PER2: variants seen among roughly 807,000 people sequenced by gnomAD.
PER2 encodes period circadian protein homolog 2.
In PER2, 66 loss-of-function variants were observed where a neutral mutation model predicts 121.0. That is an observed-to-expected ratio of 0.55 (90% CI 0.45 to 0.67). The LOEUF is 0.67. Ranked by LOEUF, PER2 falls within the 30% of genes least tolerant of loss-of-function variation. PER2 has a pLI of 0.00. For missense variants in PER2, 1,521 were observed against 1,635.0 expected, an observed-to-expected ratio of 0.93 and a Z score of 1.20; for synonymous variants, 684 against 659.9, an observed-to-expected ratio of 1.04 and a Z score of -0.56.
rs775192060 is a variant in PER2, at chr2:238,265,600, C to T, written c.968-10G>A. On this transcript the variant is annotated splice_polypyrimidine_tract_variant and intron_variant, in intron 8 of 22. Coordinates refer to ENST00000254657, the MANE Select transcript of PER2 (RefSeq NM_022817.3). ...GGAGGAATTCTAGGGGCTGAAAGAA[C>T]AGAATATTGCACACATTTGTGATCC... 2.7e-6 allele frequency: 4 copies of T among 1,477,544 alleles called. No homozygotes were observed. Among genetic ancestry groups the T allele is most frequent in the Non-Finnish European group, 3.8e-6 (4 of 1,055,448 alleles). The allele number at this position is 1,477,544 out of a possible 1,614,324, so 91.5% of individuals were successfully genotyped here.
intron 1 of PER2, among the ~76,000 whole-genome samples, chr2:238,285,472 C>T (rs889101664): frequency 3.9e-5 from 6 of 152,152 alleles, no homozygotes; most frequent in South Asian, 2.1e-4. Flanking sequence ...AAATTAGGAA[C>T]GAAAGCAAGC....
At chr2:238,293,759 G>GA (rs373301986), upstream of PER2, among the ~76,000 whole-genome samples, 5 of 151,070 alleles carry the variant, frequency 3.3e-5, no homozygotes, top group African/African-American at 1.2e-4. Flanking sequence ...GAAAGAAAAA[G>GA]AAAAAAAAGA....
At chr2:238,250,359 C>T (rs901993142) in intron 21 of PER2, among the ~76,000 whole-genome samples, 192 bp downstream of exon 21, 3 of 152,280 alleles carry the variant, frequency 2.0e-5, no homozygotes, top group African/African-American at 7.2e-5. Context: ...GGCCACACTG[C>T]AGGGCCAGGG....
intron 1 of PER2, among the ~76,000 whole-genome samples, chr2:238,286,291 A>C (rs578088806): frequency 3.9e-5 from 6 of 152,262 alleles, no homozygotes; most frequent in Admixed American, 1.3e-4. Context: ...GAGCACGAGG[A>C]ACCCTTCGAG....
intron 4 of PER2, among the ~76,000 whole-genome samples, chr2:238,273,742 G>A (rs149862694): frequency 0.014 from 2,072 of 151,914 alleles, 27 homozygotes; most frequent in Non-Finnish European, 0.022. Flanking sequence ...CTCAGCTCAC[G>A]GCAACCTCCA....
Position 238,262,200 on chromosome 2 carries a change from T to G in PER2, c.1298A>C (p.Lys433Thr), listed in dbSNP as rs765811168. 5 of 1,613,586 alleles carry G rather than the reference T, an allele frequency of 3.1e-6. No individual in the cohort carries two copies. The Admixed American group carries it at 5.0e-5, about 16-fold the overall frequency. Residue 433 changes from lysine (K) to threonine (T), a missense_variant, in exon 11 of 23, where the codon AAA becomes ACA. Lys to Thr is a moderately conservative substitution (Grantham distance 78). Coordinates refer to ENST00000254657, the MANE Select transcript of PER2 (RefSeq NM_022817.3). ...RKISFIIGRH[K>T]VRVGPLNEDV... The stretch of plus-strand genomic sequence containing the variant: ...CCCTTGGAGCACTCACACCCTGACT[T>G]TGTGCCTCCCAATGATGAAGGAGAT...
intron 8 of PER2, among the ~76,000 whole-genome samples, chr2:238,266,052 T>TACCC (rs1696087954): frequency 4.0e-5 from 6 of 151,852 alleles, no homozygotes; most frequent in Admixed American, 3.9e-4. Flanking sequence ...TACAGGCGTG[T>TACCC]GCCACCACGC....
chr2:238,265,832 C>T (rs900328877), intron 8 of PER2, among the ~76,000 whole-genome samples: 13 of 151,876 alleles, frequency 8.6e-5, no homozygotes, highest in African/African-American at 1.2e-4. Context: ...TCGAAACTGC[C>T]GTGTTAACAA....
Position 238,257,968 on chromosome 2 carries a change from G to GGCC in PER2, c.1900+305_1900+307dup, listed in dbSNP as rs2106373019. ...TGGCTGCATGAGGGGGTCAGCAGAC[G>GGCC]GCCCCTCAGTGTGGCCGCATGAAGG... On this transcript the variant is annotated intron_variant, in intron 16 of 22. Transcript: ENST00000254657. Among the ~76,000 whole-genome samples, 3 of 152,222 alleles carry GGCC rather than the reference G, an allele frequency of 2.0e-5. No individual in the cohort carries two copies. In the South Asian group the frequency reaches 6.2e-4, roughly 32 times the overall value.
chr2:238,281,235 C>A (rs755652368), intron 1 of PER2, among the ~76,000 whole-genome samples: 3 of 152,148 alleles, frequency 2.0e-5, no homozygotes, highest in Admixed American at 2.0e-4. Flanking sequence ...ATCTCTTGAC[C>A]TCGTGATCTG....
intron 9 of PER2, among the ~76,000 whole-genome samples, chr2:238,264,487 G>C (rs2106308458): frequency 6.6e-6 from 1 of 152,350 alleles, no homozygotes; most frequent in East Asian, 1.9e-4. Context: ...AGTAGAGGAG[G>C]GAGAGGTCTT....
chr2:238,271,251 C>A, intron 6 of PER2, 61 bp downstream of exon 6: 1 of 1,467,576 alleles, frequency 6.8e-7, no homozygotes, highest in Non-Finnish European at 9.5e-7. Flanking sequence ...CTGGGTTGGG[C>A]CCAGCTCCTG....
chr2:238,287,899 T>C (rs1437484734), intron 1 of PER2, among the ~76,000 whole-genome samples: 1 of 152,154 alleles, frequency 6.6e-6, no homozygotes. Context: ...TCCCAGAAGG[T>C]AGGCGCGACT....
intron 20 of PER2, among the ~76,000 whole-genome samples, 166 bp from the exon 21 acceptor site, chr2:238,250,909 T>G (rs564315465): frequency 1.8e-4 from 27 of 152,358 alleles, no homozygotes; most frequent in African/African-American, 6.0e-4. Flanking sequence ...TCTTGAATGC[T>G]CTGGGTAATT....
the PER2 span, among the ~76,000 whole-genome samples, chr2:238,297,974 T>C: frequency 6.6e-6 from 1 of 151,858 alleles, no homozygotes; most frequent in Admixed American, 6.6e-5. Flanking sequence ...TGCCTTTTCT[T>C]CCTTTTTTCT....
In PER2 at chr2:238,275,872, T is replaced by G; in HGVS notation, c.319A>C (p.Thr107Pro). The G allele has an allele frequency of 6.2e-7, 1 of 1,614,246 alleles. No individual in the cohort carries two copies. Residue 107 changes from threonine to proline, a missense_variant, in exon 4 of 23, where the codon ACA (threonine) becomes CCA (proline). Coordinates refer to ENST00000254657, the MANE Select transcript of PER2 (RefSeq NM_022817.3). Reference protein sequence around the residue: ...CSSDQSSKVDTHKELIKTLKE... With the variant: ...CSSDQSSKVDPHKELIKTLKE... ...AGTGTTTTTATCAGTTCTTTGTGTGTGTCCACTTTCGAAGACTGGTCGCTA... is the reference window on the plus strand; with the variant it reads ...AGTGTTTTTATCAGTTCTTTGTGTGGGTCCACTTTCGAAGACTGGTCGCTA...
chr2:238,267,725 T>C (rs972634090), intron 8 of PER2, among the ~76,000 whole-genome samples: 3 of 152,050 alleles, frequency 2.0e-5, no homozygotes, highest in African/African-American at 7.2e-5. Flanking sequence ...GGGAAGGATG[T>C]AGGGCCCCAG....
chr2:238,290,750 T>A (rs1696935573), upstream of PER2, among the ~76,000 whole-genome samples: 1 of 152,056 alleles, frequency 6.6e-6, no homozygotes, highest in South Asian at 2.1e-4. Context: ...AAAATACATC[T>A]CACTGCATCC....
intron 2 of PER2, among the ~76,000 whole-genome samples, chr2:238,277,478 A>G (rs1268341515): frequency 6.6e-6 from 1 of 152,202 alleles, no homozygotes; most frequent in Non-Finnish European, 1.5e-5. Flanking sequence ...CTACCTCCCA[A>G]GATCTCCTTA....
Sources: gnomAD v4.1 joint callset for allele counts (sites outside exome capture counted in the v4.1 genomes callset) on GRCh38, gnomAD v4.1.1 for gene constraint, MANE v1.5 for transcripts, NCBI Gene and HGNC (gene_info 2026-07-23, HGNC 2026-07-21) for gene names.